PCDH15: variants seen among roughly 807,000 people sequenced by gnomAD.
PCDH15 encodes the protein protocadherin-15.
In PCDH15, 129 loss-of-function variants were observed where a neutral mutation model predicts 178.5. The ratio of observed to expected loss-of-function variants is 0.72; its 90% CI spans 0.63 to 0.84. PCDH15 has a LOEUF of 0.84. Ranked by LOEUF, PCDH15 falls within the 40% of genes least tolerant of loss-of-function variation. The pLI, the probability that PCDH15 is intolerant of heterozygous loss-of-function variation, is 0.00. For missense variants in PCDH15, 2,230 were observed against 2,099.9 expected (o/e 1.06, Z -1.21); for synonymous variants, 800 against 732.0 (o/e 1.09, Z -1.50).
At chr10:54,783,961 T>A (rs1345336936) in intron 1 of PCDH15, among the ~76,000 whole-genome samples, 2 of 152,064 alleles carry the variant, frequency 1.3e-5, no homozygotes, top group Non-Finnish European at 2.9e-5. Context: ...ATCAGGAAAC[T>A]TACAATCATG....
chr10:54,368,374 A>T (rs1048343987), intron 5 of PCDH15, among the ~76,000 whole-genome samples: 1 of 152,008 alleles, frequency 6.6e-6, no homozygotes, highest in South Asian at 2.1e-4. Flanking sequence ...GTACTATCAC[A>T]TTAATGTCAT....
intron 25 of PCDH15, among the ~76,000 whole-genome samples, chr10:53,936,485 AC>A (rs1307535400): frequency 6.6e-6 from 1 of 152,148 alleles, no homozygotes; most frequent in Non-Finnish European, 1.5e-5. Context: ...TAGAGGAACA[AC>A]TATTTCCCAG....
At chr10:55,528,025 G>C (rs1841342731) in intron 2 of PCDH15, among the ~76,000 whole-genome samples, 1 of 151,600 alleles carries the variant, frequency 6.6e-6, no homozygotes, top group African/African-American at 2.4e-5. Context: ...GAGTACTTTA[G>C]CTTTTACAAA....
chr10:55,055,680 G>A (rs1012532745), intron 2 of PCDH15, among the ~76,000 whole-genome samples: 5 of 152,076 alleles, frequency 3.3e-5, no homozygotes, highest in East Asian at 1.9e-4. Context: ...GCGAGTGCCT[G>A]TAGTCCCAGC....
intron 2 of PCDH15, among the ~76,000 whole-genome samples, chr10:54,654,032 G>A (rs1299927579): frequency 6.6e-6 from 1 of 152,140 alleles, no homozygotes. Flanking sequence ...AACACACAAT[G>A]CAATATTATT....
intron 3 of PCDH15, among the ~76,000 whole-genome samples, chr10:54,434,587 C>A (rs185333758): frequency 6.6e-6 from 1 of 152,278 alleles, no homozygotes; most frequent in East Asian, 1.9e-4. Flanking sequence ...GTGTAGCAGG[C>A]TATAACATCT....
At chr10:55,216,717 T>C (rs1000360016) in intron 1 of PCDH15, among the ~76,000 whole-genome samples, 3 of 152,036 alleles carry the variant, frequency 2.0e-5, no homozygotes, top group African/African-American at 7.2e-5. Context: ...ATCTGTACAA[T>C]TATTATGTGT....
chr10:54,570,812 T>C (rs923700889), intron 2 of PCDH15, among the ~76,000 whole-genome samples: 13 of 92,858 alleles, frequency 1.4e-4, no homozygotes, highest in African/African-American at 4.9e-4. Context: ...CCACCACGCC[T>C]GGCTATTTTT....
intron 2 of PCDH15, among the ~76,000 whole-genome samples, chr10:54,622,602 A>ATAAAATATATATTATATAT (rs2093394219): frequency 1.0e-5 from 1 of 97,086 alleles, no homozygotes; most frequent in Non-Finnish European, 1.9e-5. Flanking sequence ...AATATATAAT[A>ATAAAATATATATTATATAT]TATATAATTA....
intron 25 of PCDH15, among the ~76,000 whole-genome samples, chr10:53,908,893 T>C (rs2082866048): frequency 6.6e-6 from 1 of 152,372 alleles, no homozygotes; most frequent in Middle Eastern, 3.4e-3. Context: ...TATCAGGAGA[T>C]TGAAGTCAGT....
chr10:54,219,167 GGGGA>G (rs2052466707), intron 9 of PCDH15, among the ~76,000 whole-genome samples: 1 of 150,230 alleles, frequency 6.7e-6, no homozygotes, highest in Non-Finnish European at 1.5e-5. Flanking sequence ...CCCAGCTACT[GGGGA>G]GGTTGAGGCA....
chr10:54,832,562 C>A (rs1222560393), intron 3 of PCDH15, among the ~76,000 whole-genome samples: 1 of 152,124 alleles, frequency 6.6e-6, no homozygotes, highest in Non-Finnish European at 1.5e-5. Flanking sequence ...ATCTAACATG[C>A]TATTTAGTCC....
chr10:54,385,607 A>T (rs1392265104), intron 3 of PCDH15, among the ~76,000 whole-genome samples: 20 of 152,148 alleles, frequency 1.3e-4, no homozygotes, highest in Admixed American at 1.3e-3. Flanking sequence ...GAGTACTCAA[A>T]TATTCAAAGT....
At chr10:55,518,278 C>A (rs1432618003) in intron 2 of PCDH15, among the ~76,000 whole-genome samples, 3 of 152,046 alleles carry the variant, frequency 2.0e-5, no homozygotes, top group Non-Finnish European at 4.4e-5. Context: ...TTTGATATTG[C>A]AATAGTAGCT....
intron 18 of PCDH15, among the ~76,000 whole-genome samples, chr10:54,053,422 T>C (rs553888886): frequency 6.6e-6 from 1 of 152,282 alleles, no homozygotes; most frequent in African/African-American, 2.4e-5. Flanking sequence ...CTAACATCAA[T>C]CTCTACTTTC....
At chr10:54,487,715 C>T (rs1046608192) in intron 3 of PCDH15, among the ~76,000 whole-genome samples, 1 of 151,870 alleles carries the variant, frequency 6.6e-6, no homozygotes, top group Non-Finnish European at 1.5e-5. Flanking sequence ...CTAAAAGGAT[C>T]CACACATTAA....
intron 1 of PCDH15, among the ~76,000 whole-genome samples, chr10:55,214,051 T>C (rs946752180): frequency 3.9e-5 from 6 of 151,972 alleles, no homozygotes; most frequent in Non-Finnish European, 8.8e-5. Context: ...TTCCTAAATA[T>C]ATGATATTTT....
In PCDH15 at chr10:54,153,110, CAGG is replaced by C; in HGVS notation, c.1771_1773del (p.Pro591del). The C allele has an allele frequency of 1.2e-6, 2 of 1,613,756 alleles. No individual in the cohort carries two copies. The highest frequency in any genetic ancestry group is 1.7e-6 in the Non-Finnish European group (2 of 1,179,808). On this transcript the variant is annotated inframe_deletion, in exon 14 of 38. Transcript: ENST00000644397. The stretch of plus-strand genomic sequence containing the variant: ...TCTAATATAAATTACCTTCGCTCTG[CAGG>C]AGGAGCATTATCCGCTGCTTGGACC...
intron 20 of PCDH15, among the ~76,000 whole-genome samples, chr10:54,014,230 T>A (rs1037937545): frequency 6.6e-6 from 1 of 152,032 alleles, no homozygotes; most frequent in African/African-American, 2.4e-5. Flanking sequence ...AGAAACTGAA[T>A]CCCTAAACAG....
Sources: allele counts gnomAD v4.1 joint callset (sites outside exome capture counted in the v4.1 genomes callset), GRCh38; gene constraint gnomAD v4.1.1; transcripts MANE v1.5; gene names NCBI Gene and HGNC (gene_info 2026-07-23, HGNC 2026-07-21).